The following PTPRG variants were observed in gnomAD, a reference collection of about 807,000 sequenced individuals.
PTPRG encodes receptor-type tyrosine-protein phosphatase gamma.
PTPRG carries 102 observed loss-of-function variants against 165.3 expected under a neutral mutation model. The ratio of observed to expected loss-of-function variants is 0.62; its 90% confidence interval spans 0.53 to 0.73. PTPRG has a LOEUF of 0.73. Among genes scored for constraint, PTPRG ranks in the 30% least tolerant of loss-of-function variants. The pLI, the probability that PTPRG is intolerant of heterozygous loss-of-function variation, is 0.00. For synonymous variants in PTPRG, 675 were observed against 669.5 expected (o/e 1.01, Z -0.13); for missense variants, 1,866 against 1,861.4 (o/e 1.00, Z -0.05).
intron 1 of PTPRG, among the ~76,000 whole-genome samples, chr3:61,738,313 C>CATATATATAT (rs1287861300): frequency 1.0e-4 from 8 of 76,200 alleles, no homozygotes; most frequent in Non-Finnish European, 1.9e-4. Context: ...TATATATATA[C>CATATATATAT]ATATATATAT....
chr3:62,067,645 A>G (rs1195533140), intron 4 of PTPRG, among the ~76,000 whole-genome samples: 1 of 152,214 alleles, frequency 6.6e-6, no homozygotes, highest in Non-Finnish European at 1.5e-5. Context: ...AGACAGCGAC[A>G]GATCATCAGG....
At chr3:62,127,779 C>T (rs1443228231) in intron 5 of PTPRG, among the ~76,000 whole-genome samples, 1 of 152,170 alleles carries the variant, frequency 6.6e-6, no homozygotes, top group Non-Finnish European at 1.5e-5. Flanking sequence ...AATGGCAGCA[C>T]ATATCTGAAC....
At position 62,252,827 on chromosome 3, in the gene PTPRG, G is replaced by A. The variant is rs1701452728; in HGVS notation, c.2468-2297G>A. ...TGCTGTATTATCTGGGTAGCTGACA[G>A]TGGTCAGTACAGCATGCATCTGTAT... On this transcript the variant is annotated intron_variant, in intron 15 of 29. Transcript: ENST00000474889. The surrounding 1 kb of genome is among the most constrained non-coding windows in gnomAD (Gnocchi z 4.6). Among the ~76,000 whole-genome samples the A allele has an allele frequency of 6.6e-6, 1 of 152,200 alleles. No individual in the cohort carries two copies. Among genetic ancestry groups the A allele is most frequent in the South Asian group, 2.1e-4 (1 of 4,830 alleles).
In PTPRG at chr3:61,767,239, T is replaced by TGAAAAAA. The variant is rs1371380259; in HGVS notation, c.190+18257_190+18258insGAAAAAA. On this transcript the variant is annotated intron_variant, in intron 2 of 29. Coordinates refer to ENST00000474889, the MANE Select transcript of PTPRG (RefSeq NM_002841.4). The stretch of plus-strand genomic sequence containing the variant: ...AGCCTTGTGACAGCAAGATTCCATC[T>TGAAAAAA]CAAAAAAAAAAAAAAAAAGAAAGTA... Among the ~76,000 whole-genome samples, 19 of 73,072 alleles carry TGAAAAAA rather than the reference T, an allele frequency of 2.6e-4. 2 individuals are homozygous for TGAAAAAA. Among genetic ancestry groups the TGAAAAAA allele is most frequent in the African/African-American group, 5.4e-4 (11 of 20,560 alleles). 47.9% of individuals were successfully genotyped at this position (73,072 alleles called of 152,430 possible). A position where few individuals can be genotyped will look rare whatever the true frequency, so the allele number is the denominator to read the frequency against.
intron 5 of PTPRG, among the ~76,000 whole-genome samples, chr3:62,114,870 C>T (rs1362100915): frequency 3.9e-5 from 6 of 152,040 alleles, no homozygotes; most frequent in Non-Finnish European, 8.8e-5. Flanking sequence ...GAACTCCTGG[C>T]CTCAAGCAAT....
At chr3:61,994,340 T>C (rs1445866081) in intron 3 of PTPRG, among the ~76,000 whole-genome samples, 2 of 152,168 alleles carry the variant, frequency 1.3e-5, no homozygotes. Flanking sequence ...TTAAACTACT[T>C]TTTCTTATAT....
chr3:61,917,339 A>G (rs1196545185), intron 2 of PTPRG, among the ~76,000 whole-genome samples: 2 of 152,128 alleles, frequency 1.3e-5, no homozygotes, highest in African/African-American at 2.4e-5. Context: ...AATAAAGTCT[A>G]TTATCGTTTT....
chr3:62,125,823 G>A (rs2106907512), intron 5 of PTPRG, among the ~76,000 whole-genome samples: 1 of 152,100 alleles, frequency 6.6e-6, no homozygotes, highest in South Asian at 2.1e-4. Context: ...CCTGCACTTT[G>A]AGAAGATTGG....
At chr3:62,105,002 C>T (rs772604521) in intron 5 of PTPRG, among the ~76,000 whole-genome samples, 8 of 152,068 alleles carry the variant, frequency 5.3e-5, no homozygotes, top group Non-Finnish European at 1.2e-4. Context: ...AATTTCTTTG[C>T]AGTTTATTAT....
intron 5 of PTPRG, among the ~76,000 whole-genome samples, chr3:62,079,317 A>G (rs1238067661): frequency 6.6e-6 from 1 of 152,162 alleles, no homozygotes; most frequent in Non-Finnish European, 1.5e-5. Context: ...TTGATATTCT[A>G]CCTAGAATAA....
chr3:62,285,741 T>G (rs4688291), intron 28 of PTPRG, among the ~76,000 whole-genome samples: 7 of 151,872 alleles, frequency 4.6e-5, no homozygotes, highest in Non-Finnish European at 7.4e-5. Context: ...TAAAAACAGC[T>G]GGGTTCCCAT....
chr3:62,201,521 A>G lies in PTPRG; in HGVS notation c.1344A>G (p.Ile448Met). Reference sequence around the variant, plus strand: ...GTTTCTCAGCTAATACCACTCGAATATTCCAAGGGACCAGAATAGTGAAAA... The same window carrying G: ...GTTTCTCAGCTAATACCACTCGAATGTTCCAAGGGACCAGAATAGTGAAAA... ...TMLFQANTTR[I>M]FQGTRIVKTG... The change falls in exon 11 of 30, where the codon ATA becomes ATG. Residue 448 changes from isoleucine (I) to methionine (M), a missense_variant. This residue lies in a region of PTPRG where 1,452 missense variants were observed against 1,463.0 expected (regional missense o/e 0.99). Coordinates refer to ENST00000474889, the MANE Select transcript of PTPRG (RefSeq NM_002841.4). 1 of 1,611,374 alleles carries G rather than the reference A, an allele frequency of 6.2e-7. No individual in the cohort carries two copies. The highest frequency in any genetic ancestry group is 8.5e-7 in the Non-Finnish European group (1 of 1,178,450).
chr3:62,161,174 A>C (rs1213617581), intron 7 of PTPRG, among the ~76,000 whole-genome samples: 1 of 152,164 alleles, frequency 6.6e-6, no homozygotes, highest in Non-Finnish European at 1.5e-5. Context: ...TTAGACTAGA[A>C]TATGTATAAA....
At position 62,297,276 on chromosome 3, in the gene PTPRG, G is replaced by A. The variant is rs1195902085; in HGVS notation, c.*3969G>A. 2 of 151,826 alleles carry A rather than the reference G, an allele frequency of 1.3e-5. No individual in the cohort carries two copies. Among genetic ancestry groups the A allele is most frequent in the Non-Finnish European group, 2.9e-5 (2 of 67,928 alleles). The allele number at this position is 151,826 out of a possible 1,614,324, so 9.4% of individuals were successfully genotyped here. A position where few individuals can be genotyped will look rare whatever the true frequency, so the allele number is the denominator to read the frequency against. On this transcript the variant is annotated 3_prime_UTR_variant, in exon 30 of 30. Coordinates refer to ENST00000474889, the MANE Select transcript of PTPRG (RefSeq NM_002841.4). Reference sequence around the variant, plus strand: ...TGAATTCAACTTTCTGTGTATTGAAGTAGCAAAAACCATCTTTACATTCCA... The same window carrying A: ...TGAATTCAACTTTCTGTGTATTGAAATAGCAAAAACCATCTTTACATTCCA...
In PTPRG at chr3:61,633,897, GTTTT is replaced by G. The variant is rs34304607; in HGVS notation, c.85+71534_85+71537del. Among the ~76,000 whole-genome samples, 12 of 144,198 alleles carry G rather than the reference GTTTT, an allele frequency of 8.3e-5. No homozygotes were observed. In the East Asian group the frequency reaches 2.4e-3, roughly 29 times the overall value. The allele number at this position is 144,198 out of a possible 152,430, so 94.6% of individuals were successfully genotyped here. The stretch of plus-strand genomic sequence containing the variant: ...TCTGTTATTCCTAGTTTGTCGAGTG[GTTTT>G]TTTTTTTTGGTGTTGCTGTTTTGTT... On this transcript the variant is annotated intron_variant, in intron 1 of 29. Transcript: ENST00000474889.
At chr3:61,578,327 A>C (rs952332709) in intron 1 of PTPRG, among the ~76,000 whole-genome samples, 1 of 152,206 alleles carries the variant, frequency 6.6e-6, no homozygotes, top group African/African-American at 2.4e-5. Context: ...CCATTGCAGC[A>C]ATCAGCCCCT....
At chr3:61,670,272 G>A (rs532923420) in intron 1 of PTPRG, among the ~76,000 whole-genome samples, 5 of 152,248 alleles carry the variant, frequency 3.3e-5, no homozygotes, top group South Asian at 2.1e-4. Flanking sequence ...GACTTATCCC[G>A]AAAAATCAGG....
At chr3:62,161,546 A>C (rs986589861) in intron 7 of PTPRG, among the ~76,000 whole-genome samples, 2 of 152,216 alleles carry the variant, frequency 1.3e-5, no homozygotes, top group East Asian at 1.9e-4. Flanking sequence ...TTCTATTTCA[A>C]CACATGACGT....
chr3:61,625,546 G>A (rs888279250), intron 1 of PTPRG, among the ~76,000 whole-genome samples: 1 of 152,094 alleles, frequency 6.6e-6, no homozygotes, highest in African/African-American at 2.4e-5. Flanking sequence ...ATTCACTTGG[G>A]TGTGTTTCAA....
Sources: allele counts gnomAD v4.1 joint callset (sites outside exome capture counted in the v4.1 genomes callset), GRCh38; gene constraint gnomAD v4.1.1; regional missense constraint gnomAD v4.1.1; non-coding constraint Gnocchi (gnomAD v3.1); transcripts MANE v1.5; gene names NCBI Gene and HGNC (gene_info 2026-07-23, HGNC 2026-07-21).